The following NOS1 variants were observed in gnomAD, a reference collection of about 807,000 sequenced individuals.
The protein encoded by NOS1 is NOS type I.
Under a neutral mutation model 164.5 loss-of-function variants are expected in NOS1, and 51 were observed. The observed-to-expected ratio is 0.31, with a 90% confidence interval of 0.25 to 0.39. The LOEUF is 0.39. NOS1 is among the 10% of genes least tolerant of loss of function. The pLI is 1.00. For missense variants in NOS1, 1,362 were observed against 1,885.6 expected (o/e 0.72, Z 5.14); for synonymous variants, 719 against 745.8 (o/e 0.96, Z 0.59).
At position 117,256,284 on chromosome 12, in the gene NOS1, G is replaced by GTTTTTTTTTTTTTTTTTTTTT. The variant is rs57047376; in HGVS notation, c.2531+2112_2531+2113insAAAAAAAAAAAAAAAAAAAAA. Among the ~76,000 whole-genome samples the GTTTTTTTTTTTTTTTTTTTTT allele has an allele frequency of 1.2e-3, 145 of 118,432 alleles. 12 individuals are homozygous for GTTTTTTTTTTTTTTTTTTTTT. The highest frequency in any genetic ancestry group is 5.0e-3 in the African/African-American group (130 of 26,140). 77.7% of individuals were successfully genotyped at this position (118,432 alleles called of 152,430 possible). A position where few individuals can be genotyped will look rare whatever the true frequency, so the allele number is the denominator to read the frequency against. On this transcript the variant is annotated intron_variant, in intron 16 of 28. Transcript: ENST00000317775. ...CAAAGAAAATCAGAAGGGATTTTCT[G>GTTTTTTTTTTTTTTTTTTTTT]TTTTTTTTTTTTGAGACGGAGTCTC...
chr12:117,269,824 A>G (rs1213100842), intron 10 of NOS1, among the ~76,000 whole-genome samples: 1 of 152,132 alleles, frequency 6.6e-6, no homozygotes, highest in African/African-American at 2.4e-5. Flanking sequence ...TTCTAGCAGG[A>G]AAAGCTCTTC....
intron 1 of NOS1, among the ~76,000 whole-genome samples, chr12:117,348,700 C>G (rs1350359186): frequency 2.6e-5 from 4 of 152,140 alleles, no homozygotes; most frequent in Non-Finnish European, 4.4e-5. Flanking sequence ...AAAAATGGCT[C>G]CTTGATCTAA....
intron 1 of NOS1, among the ~76,000 whole-genome samples, chr12:117,349,121 T>C (rs904657906): frequency 6.6e-6 from 1 of 152,260 alleles, no homozygotes; most frequent in Non-Finnish European, 1.5e-5. Context: ...GGTTGTTCCT[T>C]TTCCCTTCTC....
At chr12:117,283,054 ATAT>A (rs557590503) in intron 7 of NOS1, among the ~76,000 whole-genome samples, 26,936 of 99,818 alleles carry the variant, frequency 0.27, 1,934 homozygotes, top group Admixed American at 0.34. Flanking sequence ...ATATATATAT[ATAT>A]TTTTTTTTTT....
At chr12:117,291,534 T>C (rs996914254) in intron 3 of NOS1, among the ~76,000 whole-genome samples, 2 of 142,368 alleles carry the variant, frequency 1.4e-5, no homozygotes, top group Non-Finnish European at 3.0e-5. Flanking sequence ...TCTGTCTTTT[T>C]TTTTTTTTTT....
intron 3 of NOS1, among the ~76,000 whole-genome samples, chr12:117,300,493 C>T (rs1873746955): frequency 6.6e-6 from 1 of 152,178 alleles, no homozygotes; most frequent in Non-Finnish European, 1.5e-5. Flanking sequence ...GGTTGCTGGC[C>T]TCTTGGCTCA....
At position 117,269,460 on chromosome 12, in the gene NOS1, A is replaced by ATTTTTTTTTTTTTTTTTTTTTTTTT; in HGVS notation, c.1840-1317_1840-1316insAAAAAAAAAAAAAAAAAAAAAAAAA. On this transcript the variant is annotated intron_variant, in intron 10 of 28. Transcript: ENST00000317775. The stretch of plus-strand genomic sequence containing the variant: ...GGCCCAGGGGGCAGGATCTCTGGAG[A>ATTTTTTTTTTTTTTTTTTTTTTTTT]TTTGTTTTTTTTTTTTTTTTTTTTT... Among the ~76,000 whole-genome samples the ATTTTTTTTTTTTTTTTTTTTTTTTT allele has an allele frequency of 1.8e-5, 2 of 110,048 alleles. 1 individual carries two copies. Among genetic ancestry groups the ATTTTTTTTTTTTTTTTTTTTTTTTT allele is most frequent in the Non-Finnish European group, 3.4e-5 (2 of 59,416 alleles). The allele number at this position is 110,048 out of a possible 152,430, so 72.2% of individuals were successfully genotyped here. A position where few individuals can be genotyped will look rare whatever the true frequency, so the allele number is the denominator to read the frequency against.
In NOS1 at chr12:117,210,035, C is replaced by T. The variant is rs1052818175; in HGVS notation, c.*5274G>A. On this transcript the variant is annotated 3_prime_UTR_variant, in exon 29 of 29. Transcript: ENST00000317775. Reference sequence around the variant, plus strand: ...TCACTCAGGCTGGAGTGCAGTGGTGCGATCCTAGCTCACTGTCGCCTCAAA... The same window carrying T: ...TCACTCAGGCTGGAGTGCAGTGGTGTGATCCTAGCTCACTGTCGCCTCAAA... The T allele has an allele frequency of 2.3e-5, 22 of 944,302 alleles. No homozygotes were observed. Among genetic ancestry groups the T allele is most frequent in the African/African-American group, 7.1e-5 (4 of 56,440 alleles). The allele number at this position is 944,302 out of a possible 1,614,324, so 58.5% of individuals were successfully genotyped here. A position where few individuals can be genotyped will look rare whatever the true frequency, so the allele number is the denominator to read the frequency against.
chr12:117,217,572 G>A (rs1956630933), intron 28 of NOS1, among the ~76,000 whole-genome samples: 1 of 152,122 alleles, frequency 6.6e-6, no homozygotes, highest in African/African-American at 2.4e-5. Context: ...GGGTGTGGTG[G>A]TGCACGCCTG....
At chr12:117,317,189 T>A (rs1477066395) in intron 2 of NOS1, among the ~76,000 whole-genome samples, 1 of 151,952 alleles carries the variant, frequency 6.6e-6, no homozygotes, top group Non-Finnish European at 1.5e-5. Context: ...CCTGTTTTAT[T>A]ATTTATTCAC....
chr12:117,273,679 TA>T (rs971996303), intron 9 of NOS1, among the ~76,000 whole-genome samples: 2 of 152,138 alleles, frequency 1.3e-5, no homozygotes, highest in African/African-American at 4.8e-5. Flanking sequence ...AAGAAACATT[TA>T]AAAAATCAAA....
chr12:117,243,168 T>C lies in NOS1; in HGVS notation c.2962+129A>G, dbSNP rs1870326929. ...GTGGGAGAGCAGCAAAGTATTCATT[T>C]TGGTAGGACTGCACTAAAGGGAGAT... is the stretch of plus-strand genomic sequence containing the variant. On this transcript the variant is annotated intron_variant, in intron 19 of 28. Coordinates refer to ENST00000317775, the MANE Select transcript of NOS1 (RefSeq NM_000620.5). This position sits in a 1 kb window ranked among gnomAD's most constrained non-coding sequence, Gnocchi z 4.3. 9.1e-7 allele frequency: 1 copy of C among 1,094,662 alleles called. No individual in the cohort carries two copies. Among genetic ancestry groups the C allele is most frequent in the Non-Finnish European group, 1.3e-6 (1 of 761,062 alleles). 67.8% of individuals were successfully genotyped at this position (1,094,662 alleles called of 1,614,324 possible).
rs1360488162 is a variant in NOS1, at chr12:117,210,923, TCA to T, written c.*4384_*4385del. ...AGCCTGCTCTTCAGAGACCTCTCTC[TCA>T]GCTAGGGGCAAGATGTTTTATTTTA... On this transcript the variant is annotated 3_prime_UTR_variant, in exon 29 of 29. Transcript: ENST00000317775. The T allele has an allele frequency of 1.0e-6, 1 of 984,212 alleles. No homozygotes were observed. The allele number at this position is 984,212 out of a possible 1,614,324, so 61.0% of individuals were successfully genotyped here.
chr12:117,314,521 G>T (rs1334101174), intron 2 of NOS1, among the ~76,000 whole-genome samples: 1 of 152,174 alleles, frequency 6.6e-6, no homozygotes, highest in Admixed American at 6.5e-5. Context: ...ACCCAGAGGG[G>T]TTATGTAAGT....
At position 117,291,529 on chromosome 12, in the gene NOS1, C is replaced by CTTTTTTTTTT. The variant is rs565345654; in HGVS notation, c.853-1113_853-1104dup. Reference sequence around the variant, plus strand: ...CCTCACTGATAAGGATTACATCTGTCTTTTTTTTTTTTTTTTTTTTTTGAG... The same window carrying CTTTTTTTTTT: ...CCTCACTGATAAGGATTACATCTGTCTTTTTTTTTTTTTTTTTTTTTTTTTTTTTTTTGAG... On this transcript the variant is annotated intron_variant, in intron 3 of 28. Coordinates refer to ENST00000317775, the MANE Select transcript of NOS1 (RefSeq NM_000620.5). Among the ~76,000 whole-genome samples, 176 of 97,372 alleles carry CTTTTTTTTTT rather than the reference C, an allele frequency of 1.8e-3. 10 individuals carry two copies. Among genetic ancestry groups the CTTTTTTTTTT allele is most frequent in the Non-Finnish European group, 2.6e-3 (134 of 51,242 alleles). The allele number at this position is 97,372 out of a possible 152,430, so 63.9% of individuals were successfully genotyped here.
chr12:117,216,206 G>A (rs1312611967), intron 28 of NOS1, among the ~76,000 whole-genome samples: 6 of 136,832 alleles, frequency 4.4e-5, no homozygotes, highest in Non-Finnish European at 6.1e-5. Flanking sequence ...TTTTTGAGAC[G>A]GAGTCTTGTT....
At chr12:117,336,014 C>A (rs913881776) in intron 1 of NOS1, among the ~76,000 whole-genome samples, 1 of 150,698 alleles carries the variant, frequency 6.6e-6, no homozygotes, top group African/African-American at 2.5e-5. Flanking sequence ...GCCTTGTAAG[C>A]GCCATTTTTA....
rs1051711991 is a variant in NOS1, at chr12:117,220,286, G to C, written c.3976-17C>G. Reference sequence around the variant, plus strand: ...CACGTACTTCTGCAAGGAGCAGAGAGCAGTGAGAAGGGGCTGGGCTGTGCA... The same window carrying C: ...CACGTACTTCTGCAAGGAGCAGAGACCAGTGAGAAGGGGCTGGGCTGTGCA... On this transcript the variant is annotated splice_polypyrimidine_tract_variant and intron_variant, in intron 26 of 28. Coordinates refer to ENST00000317775, the MANE Select transcript of NOS1 (RefSeq NM_000620.5). 1 of 1,592,766 alleles carries C rather than the reference G, an allele frequency of 6.3e-7. No individual in the cohort carries two copies. The highest frequency in any genetic ancestry group is 8.5e-7 in the Non-Finnish European group (1 of 1,174,110).
chr12:117,285,123 G>A (rs1450041052), intron 7 of NOS1, 118 bp downstream of exon 7: 2 of 430,148 alleles, frequency 4.6e-6, no homozygotes, highest in Non-Finnish European at 8.5e-6. Context: ...TCCCAGCTTG[G>A]CCCGTGTCCC....
Sources: allele counts gnomAD v4.1 joint callset (sites outside exome capture counted in the v4.1 genomes callset), GRCh38; gene constraint gnomAD v4.1.1; non-coding constraint Gnocchi (gnomAD v3.1); transcripts MANE v1.5; gene names NCBI Gene and HGNC (gene_info 2026-07-23, HGNC 2026-07-21).